Variants in NTM observed in about 807,000 individuals in gnomAD.
The protein encoded by NTM is IgLON family member 2.
In NTM, 13 loss-of-function variants were observed where a neutral mutation model predicts 42.1. The observed-to-expected ratio is 0.31, with a 90% confidence interval of 0.20 to 0.49. The LOEUF (loss-of-function observed/expected upper bound fraction) is 0.49, where lower values mean the gene tolerates loss of function less well. Ranked by LOEUF, NTM falls within the 20% of genes least tolerant of loss-of-function variation. The probability of loss-of-function intolerance (pLI) is 0.99; values close to 1 mark genes in which losing one functional copy is unlikely to be tolerated. For missense variants in NTM, 373 were observed against 452.8 expected (o/e 0.82, Z 1.60); for synonymous variants, 187 against 179.2 (o/e 1.04, Z -0.35).
intron 1 of NTM, among the ~76,000 whole-genome samples, chr11:131,497,909 T>C (rs2136338351): frequency 6.6e-6 from 1 of 152,240 alleles, no homozygotes; most frequent in East Asian, 1.9e-4. Context: ...ACCTCGCCAC[T>C]CCGGCTCATA....
At chr11:131,547,090 C>CCA (rs57918333) in intron 1 of NTM, among the ~76,000 whole-genome samples, 2,814 of 152,226 alleles carry the variant, frequency 0.018, 98 homozygotes, top group African/African-American at 0.065. Flanking sequence ...ATGTGACTTT[C>CCA]CACAGGTCAG....
In NTM at chr11:131,598,703, CTTTCTT is replaced by C. The variant is rs1261987925; in HGVS notation, c.82+227817_82+227822del. Among the ~76,000 whole-genome samples, 130 of 46,528 alleles carry C rather than the reference CTTTCTT, an allele frequency of 2.8e-3. 7 individuals carry two copies. The highest frequency in any genetic ancestry group is 9.1e-3 in the South Asian group (11 of 1,214). 30.5% of individuals were successfully genotyped at this position (46,528 alleles called of 152,430 possible). A position where few individuals can be genotyped will look rare whatever the true frequency, so the allele number is the denominator to read the frequency against. On this transcript the variant is annotated intron_variant, in intron 1 of 8. Transcript: ENST00000683400. Reference sequence around the variant, plus strand: ...ATTTGTTTTCTTTCTTTCTTTCTTTCTTTCTTTCTTTCTTTCTTTCTTTCTTTCTTT... The same window carrying C: ...ATTTGTTTTCTTTCTTTCTTTCTTTCTCTTTCTTTCTTTCTTTCTTTCTTT...
intron 1 of NTM, among the ~76,000 whole-genome samples, chr11:131,704,445 T>A (rs1392662342): frequency 6.6e-6 from 1 of 152,206 alleles, no homozygotes; most frequent in Admixed American, 6.5e-5. Flanking sequence ...CCTCATTAGA[T>A]GGCCCCACCC....
At chr11:131,535,554 AG>A (rs1218662147) in intron 1 of NTM, 1 of 152,212 alleles carries the variant, frequency 6.6e-6, no homozygotes, top group Non-Finnish European at 1.5e-5. Flanking sequence ...AATGGCATAA[AG>A]GTTCTTATGA....
chr11:131,452,401 AT>A (rs1394746874), intron 1 of NTM, among the ~76,000 whole-genome samples: 2 of 152,086 alleles, frequency 1.3e-5, no homozygotes, highest in African/African-American at 4.8e-5. Context: ...GGGAAAAGAC[AT>A]TTCCCGTTTC....
intron 1 of NTM, among the ~76,000 whole-genome samples, chr11:131,590,482 G>T (rs1375403234): frequency 1.3e-5 from 2 of 152,200 alleles, no homozygotes; most frequent in African/African-American, 4.8e-5. Context: ...CCCAGAGATA[G>T]GGCCAGAGGA....
Position 131,982,992 on chromosome 11 carries a change from G to T in NTM, c.167+71344G>T, listed in dbSNP as rs138964149. On this transcript the variant is annotated intron_variant, in intron 2 of 8. Coordinates refer to ENST00000683400, the MANE Select transcript of NTM (RefSeq NM_001352005.2). ...GTCATTTCATTAGCTTGCAGGGCAT[G>T]CCCAGATTCAGTTTCTTCACACACT... Among the ~76,000 whole-genome samples the T allele has an allele frequency of 8.1e-3, 1,226 of 152,090 alleles. 13 individuals carry two copies. The highest frequency in any genetic ancestry group is 0.027 in the African/African-American group (1,120 of 41,484).
At chr11:131,958,037 C>T (rs116000648) in intron 2 of NTM, among the ~76,000 whole-genome samples, 2,734 of 152,144 alleles carry the variant, frequency 0.018, 73 homozygotes, top group African/African-American at 0.063. Flanking sequence ...AATGCATTAG[C>T]GAGAGAATGT....
intron 1 of NTM, among the ~76,000 whole-genome samples, chr11:131,576,102 G>A (rs1005622604): frequency 6.6e-6 from 1 of 152,138 alleles, no homozygotes; most frequent in African/African-American, 2.4e-5. Flanking sequence ...GAGTCAGTAT[G>A]ATTTGTGCTC....
At chr11:131,928,492 A>G (rs1353829298) in intron 2 of NTM, among the ~76,000 whole-genome samples, 3 of 151,778 alleles carry the variant, frequency 2.0e-5, no homozygotes, top group Non-Finnish European at 4.4e-5. Flanking sequence ...GTTTTGTCCC[A>G]CTACAAACTC....
chr11:132,282,793 A>C (rs941882824), intron 4 of NTM, among the ~76,000 whole-genome samples: 2 of 152,090 alleles, frequency 1.3e-5, no homozygotes. Context: ...ATCTTCTTAC[A>C]ATCTATGAAT....
chr11:131,548,477 C>T (rs1211377368), intron 1 of NTM, among the ~76,000 whole-genome samples: 2 of 152,102 alleles, frequency 1.3e-5, no homozygotes, highest in Non-Finnish European at 2.9e-5. Context: ...TCCCCAGAGA[C>T]TCAGAGCTAT....
At chr11:131,681,277 CTGTG>C (rs1169988621) in intron 1 of NTM, among the ~76,000 whole-genome samples, 1 of 27,886 alleles carries the variant, frequency 3.6e-5, no homozygotes, top group African/African-American at 9.0e-5. Context: ...GTATGTCTCC[CTGTG>C]TGTGTGAGCG....
Position 132,002,177 on chromosome 11 carries a change from T to C in NTM, c.167+90529T>C, listed in dbSNP as rs1447747115. Among the ~76,000 whole-genome samples the C allele has an allele frequency of 6.6e-6, 1 of 152,188 alleles. No individual in the cohort carries two copies. Among genetic ancestry groups the C allele is most frequent in the Non-Finnish European group, 1.5e-5 (1 of 68,036 alleles). ...AATGTCCGATTAAAGGTATTGGACT[T>C]TTCTCCATTGGCAACAGAGAGTCAC... is the stretch of plus-strand genomic sequence containing the variant. On this transcript the variant is annotated intron_variant, in intron 2 of 8. Transcript: ENST00000683400. The surrounding 1 kb of genome is among the most constrained non-coding windows in gnomAD (Gnocchi z 4.5).
At chr11:131,661,112 C>A in intron 1 of NTM, 1 of 1,144,006 alleles carries the variant, frequency 8.7e-7, no homozygotes, top group Non-Finnish European at 1.2e-6. Flanking sequence ...CCCCTAGATT[C>A]GGTGGAGATT....
Position 132,072,939 on chromosome 11 carries a change from C to T in NTM, c.168-73343C>T, listed in dbSNP as rs574712600. ...AGAGAATAAGCTTTTGACAAACACT[C>T]TTTGAAAGTTACTCTATGGCCAGAT... On this transcript the variant is annotated intron_variant, in intron 2 of 8. Coordinates refer to ENST00000683400, the MANE Select transcript of NTM (RefSeq NM_001352005.2). Among the ~76,000 whole-genome samples the T allele has an allele frequency of 7.2e-5, 11 of 152,248 alleles. No individual in the cohort carries two copies. The South Asian group carries it at 2.3e-3, about 32-fold the overall frequency.
intron 1 of NTM, among the ~76,000 whole-genome samples, chr11:131,492,580 G>A (rs753534058): frequency 1.3e-5 from 2 of 152,122 alleles, no homozygotes; most frequent in African/African-American, 4.8e-5. Flanking sequence ...CCATGGCCCC[G>A]GTCTACCTGC....
intron 1 of NTM, among the ~76,000 whole-genome samples, chr11:131,628,675 C>A (rs2063357350): frequency 1.3e-5 from 2 of 152,234 alleles, no homozygotes; most frequent in African/African-American, 4.8e-5. Flanking sequence ...GCCCCTGAGC[C>A]TTCTTACCTG....
intron 2 of NTM, among the ~76,000 whole-genome samples, chr11:131,920,961 T>A (rs779897147): frequency 2.0e-5 from 3 of 152,192 alleles, no homozygotes; most frequent in Non-Finnish European, 4.4e-5. Context: ...ACATTCAGAA[T>A]AATCATCTTT....
Sources: gnomAD v4.1 joint callset for allele counts (sites outside exome capture counted in the v4.1 genomes callset) on GRCh38, gnomAD v4.1.1 for gene constraint, Gnocchi (gnomAD v3.1) non-coding constraint, MANE v1.5 for transcripts, NCBI Gene and HGNC (gene_info 2026-07-23, HGNC 2026-07-21) for gene names.